STPG2: variants seen among roughly 807,000 people sequenced by gnomAD.
STPG2 encodes the protein sperm-tail PG-rich repeat-containing protein 2.
STPG2 carries 56 observed loss-of-function variants against 54.2 expected under a neutral mutation model. The observed-to-expected ratio is 1.03, with a 90% confidence interval of 0.83 to 1.29. The LOEUF (loss-of-function observed/expected upper bound fraction) is 1.29, where lower values mean the gene tolerates loss of function less well. Ranked by LOEUF, STPG2 falls within the 50% of genes most tolerant of loss-of-function variation. The probability of loss-of-function intolerance (pLI) is 0.00; values close to 1 mark genes in which losing one functional copy is unlikely to be tolerated. For synonymous variants in STPG2, 200 were observed against 181.8 expected (o/e 1.10, Z -0.81); for missense variants, 596 against 544.9 (o/e 1.09, Z -0.93).
chr4:97,704,614 T>C (rs1723884478), intron 10 of STPG2, among the ~76,000 whole-genome samples: 1 of 152,226 alleles, frequency 6.6e-6, no homozygotes, highest in East Asian at 1.9e-4. Context: ...AGGTAGCTTT[T>C]AAACATTCAC....
chr4:97,594,590 T>C (rs1340415900), intron 10 of STPG2, among the ~76,000 whole-genome samples: 2 of 152,184 alleles, frequency 1.3e-5, no homozygotes, highest in Non-Finnish European at 2.9e-5. Flanking sequence ...ATATTGTTCA[T>C]GAAAATTTCT....
At chr4:97,554,845 G>A (rs1732042742), downstream of STPG2, among the ~76,000 whole-genome samples, 2 of 152,162 alleles carry the variant, frequency 1.3e-5, no homozygotes, top group African/African-American at 2.4e-5. Flanking sequence ...ACTGGCTAGT[G>A]ATGGGGCTCA....
chr4:97,845,826 T>C (rs1361020949), intron 8 of STPG2, among the ~76,000 whole-genome samples: 1 of 152,216 alleles, frequency 6.6e-6, no homozygotes, highest in African/African-American at 2.4e-5. Flanking sequence ...GACCTTCCTA[T>C]GTAAATTGAG....
In STPG2 at chr4:98,110,914, T is replaced by A. The variant is rs1046177773; in HGVS notation, c.388-1609A>T. On this transcript the variant is annotated intron_variant, in intron 3 of 10. Coordinates refer to ENST00000295268, the MANE Select transcript of STPG2 (RefSeq NM_174952.3). ...AGTAGCAACATTAGTGACAAAAGCA[T>A]AATTTCAGTACAAAATGGTGAATCA... 2.0e-5 allele frequency among the ~76,000 whole-genome samples: 3 copies of A among 151,230 alleles called. No homozygotes were observed. In the Admixed American group the frequency reaches 2.0e-4, roughly 10 times the overall value.
chr4:98,089,349 C>A (rs1355517036), intron 5 of STPG2, among the ~76,000 whole-genome samples: 1 of 152,022 alleles, frequency 6.6e-6, no homozygotes, highest in Non-Finnish European at 1.5e-5. Flanking sequence ...TAATGGCCTC[C>A]AGCTCTAACC....
chr4:97,905,409 G>C (rs1319743378), intron 8 of STPG2, among the ~76,000 whole-genome samples: 2 of 151,924 alleles, frequency 1.3e-5, no homozygotes, highest in East Asian at 1.9e-4. Context: ...CAAATGCTGA[G>C]AGATTTTGTC....
intron 5 of STPG2, among the ~76,000 whole-genome samples, chr4:98,083,466 G>A (rs1738412155): frequency 6.6e-6 from 1 of 151,838 alleles, no homozygotes; most frequent in Non-Finnish European, 1.5e-5. Flanking sequence ...TATTATAATG[G>A]GGAAAATACC....
chr4:97,927,839 G>C (rs964644002), intron 8 of STPG2, among the ~76,000 whole-genome samples: 6 of 152,054 alleles, frequency 3.9e-5, no homozygotes, highest in Non-Finnish European at 7.4e-5. Flanking sequence ...TTGGAATGGT[G>C]CCTGGCATGG....
At chr4:97,894,091 A>C (rs754405844) in intron 8 of STPG2, among the ~76,000 whole-genome samples, 4 of 152,020 alleles carry the variant, frequency 2.6e-5, no homozygotes, top group African/African-American at 4.8e-5. Flanking sequence ...TACTTTGCAG[A>C]AATCTAGATG....
At chr4:97,868,190 G>C (rs1369807982) in intron 8 of STPG2, among the ~76,000 whole-genome samples, 1 of 151,654 alleles carries the variant, frequency 6.6e-6, no homozygotes, top group African/African-American at 2.4e-5. Context: ...TATGCCTTTA[G>C]CCATTTAAAA....
chr4:97,781,739 C>A (rs1397292137), intron 9 of STPG2, among the ~76,000 whole-genome samples: 1 of 152,274 alleles, frequency 6.6e-6, no homozygotes, highest in South Asian at 2.1e-4. Flanking sequence ...CCACCATGAT[C>A]AAGTGGGCTT....
intron 9 of STPG2, among the ~76,000 whole-genome samples, chr4:97,717,891 G>A (rs775933031): frequency 6.6e-6 from 1 of 152,054 alleles, no homozygotes; most frequent in Non-Finnish European, 1.5e-5. Context: ...AGTTGTCTTC[G>A]AGGTAAACAG....
At chr4:98,009,284 TC>T (rs1196646508) in intron 5 of STPG2, among the ~76,000 whole-genome samples, 4 of 151,948 alleles carry the variant, frequency 2.6e-5, no homozygotes, top group Admixed American at 2.6e-4. Flanking sequence ...TTAGTTTTTT[TC>T]ATTTTTTTAT....
intron 8 of STPG2, among the ~76,000 whole-genome samples, chr4:97,914,149 C>T (rs1165731474): frequency 6.6e-6 from 1 of 152,152 alleles, no homozygotes; most frequent in East Asian, 1.9e-4. Context: ...GAAAATCTCC[C>T]TCTATAGAGC....
intron 9 of STPG2, among the ~76,000 whole-genome samples, chr4:97,749,468 T>C (rs991199081): frequency 6.6e-6 from 1 of 151,770 alleles, no homozygotes; most frequent in African/African-American, 2.4e-5. Context: ...CTTGCCAACT[T>C]AAGAAACATC....
At chr4:97,631,916 A>C (rs1721295172) in intron 10 of STPG2, among the ~76,000 whole-genome samples, 1 of 152,102 alleles carries the variant, frequency 6.6e-6, no homozygotes, top group Admixed American at 6.5e-5. Context: ...GATAGATTAA[A>C]TGTTTTAATG....
chr4:97,977,925 T>C (rs984250797), intron 6 of STPG2, among the ~76,000 whole-genome samples: 3 of 152,162 alleles, frequency 2.0e-5, no homozygotes, highest in African/African-American at 4.8e-5. Flanking sequence ...TATTAGAGCA[T>C]GGAGAAATGA....
At chr4:97,570,557 A>G (rs1348112829) in intron 10 of STPG2, among the ~76,000 whole-genome samples, 1 of 151,588 alleles carries the variant, frequency 6.6e-6, no homozygotes, top group Non-Finnish European at 1.5e-5. Flanking sequence ...TGCAAAAACA[A>G]AAGTTTTTTT....
rs144525672 is a variant in STPG2 at position 97,474,627 on chromosome 4, C to T, written c.462+238072G>A. 6.0e-3 allele frequency among the ~76,000 whole-genome samples: 920 copies of T among 152,164 alleles called. 5 individuals are homozygous for T. Among genetic ancestry groups the T allele is most frequent in the South Asian group, 0.02 (98 of 4,824 alleles). The stretch of plus-strand genomic sequence containing the variant: ...GAAGGAGGAAGTTTAGCCAGAATCC[C>T]TTATGACTTTTAGAGAGAAAAGCCT... On this transcript the variant is annotated intron_variant, in intron 4 of 4. Transcript: ENST00000522676.
Sources: allele counts gnomAD v4.1 joint callset (sites outside exome capture counted in the v4.1 genomes callset), GRCh38; gene constraint gnomAD v4.1.1; transcripts MANE v1.5; gene names NCBI Gene and HGNC (gene_info 2026-07-23, HGNC 2026-07-21).